The following THEMIS variants were observed in gnomAD, a reference collection of about 807,000 sequenced individuals.
The protein encoded by THEMIS is protein THEMIS.
Under a neutral mutation model 52.6 loss-of-function variants are expected in THEMIS, and 37 were observed. That is an observed-to-expected ratio of 0.70 (90% CI 0.54 to 0.93). THEMIS has a LOEUF of 0.93. Among genes scored for constraint, THEMIS ranks in the 40% least tolerant of loss-of-function variants. The pLI, the probability that THEMIS is intolerant of heterozygous loss-of-function variation, is 0.00. For synonymous variants in THEMIS, 292 were observed against 272.7 expected (o/e 1.07, Z -0.70); for missense variants, 808 against 763.1 (o/e 1.06, Z -0.69).
intron 5 of THEMIS, among the ~76,000 whole-genome samples, chr6:127,714,593 A>C (rs1437531625): frequency 6.6e-6 from 1 of 151,900 alleles, no homozygotes; most frequent in African/African-American, 2.4e-5. Flanking sequence ...ATTTTAAAGC[A>C]CAAGAACTTT....
chr6:127,846,974 T>C (rs1207770473), intron 2 of THEMIS, among the ~76,000 whole-genome samples: 1 of 151,936 alleles, frequency 6.6e-6, no homozygotes, highest in Non-Finnish European at 1.5e-5. Context: ...GATGCAGAGA[T>C]AGTTTAACCC....
At chr6:127,793,873 C>T (rs917619945) in intron 4 of THEMIS, among the ~76,000 whole-genome samples, 1 of 152,184 alleles carries the variant, frequency 6.6e-6, no homozygotes, top group African/African-American at 2.4e-5. Flanking sequence ...AAACTATTTA[C>T]AGAGCCAGGG....
chr6:127,877,209 T>C (rs972171889), intron 1 of THEMIS, among the ~76,000 whole-genome samples: 1 of 152,228 alleles, frequency 6.6e-6, no homozygotes, highest in African/African-American at 2.4e-5. Context: ...TAAGAGAATG[T>C]TGTGGCTGAT....
intron 3 of THEMIS, among the ~76,000 whole-genome samples, chr6:127,826,484 T>A (rs1778510866): frequency 6.6e-6 from 1 of 152,148 alleles, no homozygotes; most frequent in Non-Finnish European, 1.5e-5. Context: ...TTTACATATC[T>A]GGGCTAAAAC....
intron 4 of THEMIS, among the ~76,000 whole-genome samples, chr6:127,784,823 T>C (rs1368102991): frequency 6.6e-6 from 1 of 152,084 alleles, no homozygotes; most frequent in Non-Finnish European, 1.5e-5. Flanking sequence ...ATGGGTACTT[T>C]TTAAAAAAAC....
chr6:127,756,812 A>T (rs765111288), intron 4 of THEMIS, among the ~76,000 whole-genome samples: 12 of 152,218 alleles, frequency 7.9e-5, no homozygotes, highest in Non-Finnish European at 1.3e-4. Context: ...ATGCTACCAC[A>T]ATTAATCTGG....
chr6:127,785,515 A>C (rs1486525886), intron 4 of THEMIS, among the ~76,000 whole-genome samples: 1 of 151,754 alleles, frequency 6.6e-6, no homozygotes. Flanking sequence ...AGATTGATAC[A>C]TTTAACTAGA....
intron 1 of THEMIS, among the ~76,000 whole-genome samples, chr6:127,872,654 C>A (rs1280595587): frequency 6.6e-6 from 1 of 151,966 alleles, no homozygotes; most frequent in African/African-American, 2.4e-5. Context: ...ACAAGCAAAA[C>A]AAAAACAAAA....
At chr6:127,872,629 T>G (rs270051) in intron 1 of THEMIS, among the ~76,000 whole-genome samples, 39,936 of 151,908 alleles carry the variant, frequency 0.26, 5,840 homozygotes, top group Middle Eastern at 0.41. Context: ...TTGGTAAGGA[T>G]AATCTATAAA....
chr6:127,859,612 C>A (rs1361440989), intron 1 of THEMIS, among the ~76,000 whole-genome samples: 3 of 151,984 alleles, frequency 2.0e-5, no homozygotes, highest in Non-Finnish European at 2.9e-5. Context: ...AAAGCATGGT[C>A]AAGTCAAAGG....
At chr6:127,697,688 T>G in the THEMIS span, among the ~76,000 whole-genome samples, 6 of 152,170 alleles carry the variant, frequency 3.9e-5, no homozygotes, top group African/African-American at 1.4e-4. Flanking sequence ...TCTCAATGCC[T>G]TGGTATTCTC....
the THEMIS span, among the ~76,000 whole-genome samples, chr6:127,697,209 T>C: frequency 7.3e-4 from 111 of 152,284 alleles, no homozygotes; most frequent in Non-Finnish European, 1.5e-3. Flanking sequence ...GGTAACTCCA[T>C]TTGAATGGAC....
At chr6:127,836,787 C>A (rs1223160377) in intron 2 of THEMIS, among the ~76,000 whole-genome samples, 2 of 152,048 alleles carry the variant, frequency 1.3e-5, no homozygotes, top group Non-Finnish European at 2.9e-5. Flanking sequence ...ACTGGCTAAC[C>A]CACAACTCTC....
intron 4 of THEMIS, among the ~76,000 whole-genome samples, chr6:127,769,246 C>T (rs1269804522): frequency 6.6e-6 from 1 of 151,948 alleles, no homozygotes; most frequent in Non-Finnish European, 1.5e-5. Context: ...ATTGGTTCTC[C>T]TTGGTTTTCT....
intron 4 of THEMIS, among the ~76,000 whole-genome samples, chr6:127,797,874 C>A (rs1777383267): frequency 6.6e-6 from 1 of 152,220 alleles, no homozygotes; most frequent in South Asian, 2.1e-4. Context: ...AATTATAGGA[C>A]CTTCACCTTC....
chr6:127,781,893 C>T (rs1264059654), intron 4 of THEMIS, among the ~76,000 whole-genome samples: 1 of 152,166 alleles, frequency 6.6e-6, no homozygotes, highest in African/African-American at 2.4e-5. Context: ...CTTGAGGAGG[C>T]AGTCTGTCCC....
chr6:127,809,182 G>C (rs1777818227), intron 4 of THEMIS, among the ~76,000 whole-genome samples: 1 of 152,096 alleles, frequency 6.6e-6, no homozygotes, highest in African/African-American at 2.4e-5. Flanking sequence ...CAAATTTAAA[G>C]CAATATTCCA....
intron 4 of THEMIS, among the ~76,000 whole-genome samples, chr6:127,797,244 T>C (rs1055075868): frequency 6.6e-6 from 1 of 152,192 alleles, no homozygotes; most frequent in Non-Finnish European, 1.5e-5. Flanking sequence ...AATGTTGAAA[T>C]GGCAGGAGTC....
rs1773876052 is a variant in THEMIS at position 127,708,797 on chromosome 6, A to T, written c.*1188T>A. ...GAATATAAACATTGAAAAAACTCTA[A>T]TTTTTTTTGTTCTAAAGTTGACTCA... On this transcript the variant is annotated 3_prime_UTR_variant, in exon 6 of 6. Coordinates refer to ENST00000368248, the MANE Select transcript of THEMIS (RefSeq NM_001010923.3). 6.6e-6 allele frequency: 1 copy of T among 151,752 alleles called. No individual in the cohort carries two copies. Among genetic ancestry groups the T allele is most frequent in the East Asian group, 1.9e-4 (1 of 5,166 alleles). The allele number at this position is 151,752 out of a possible 1,614,324, so 9.4% of individuals were successfully genotyped here. A position where few individuals can be genotyped will look rare whatever the true frequency, so the allele number is the denominator to read the frequency against.
Sources: gnomAD v4.1 joint callset for allele counts (sites outside exome capture counted in the v4.1 genomes callset) on GRCh38, gnomAD v4.1.1 for gene constraint, MANE v1.5 for transcripts, NCBI Gene and HGNC (gene_info 2026-07-23, HGNC 2026-07-21) for gene names.